Variants in CSMD1 observed in about 807,000 individuals in gnomAD.
The protein encoded by CSMD1 is CUB and sushi domain-containing protein 1.
A neutral mutation model predicts 417.5 loss-of-function variants in CSMD1; 213 were observed. The observed-to-expected ratio is 0.51, with a 90% CI of 0.46 to 0.57. The LOEUF is 0.57. Among genes scored for constraint, CSMD1 ranks in the 20% least tolerant of loss-of-function variants. CSMD1 has a pLI of 0.00. For missense variants in CSMD1, 6,923 were observed against 4,529.7 expected, an observed-to-expected ratio of 1.53 and a Z score of -15.17; for synonymous variants, 2,862 against 1,736.8, an observed-to-expected ratio of 1.65 and a Z score of -16.11.
At position 3,712,177 on chromosome 8, in the gene CSMD1, G is replaced by T. The variant is rs556820505; in HGVS notation, c.932-3686C>A. Among the ~76,000 whole-genome samples, 211 of 152,248 alleles carry T rather than the reference G, an allele frequency of 1.4e-3. 1 individual carries two copies. The highest frequency in any genetic ancestry group is 2.2e-3 in the Non-Finnish European group (153 of 68,024). On this transcript the variant is annotated intron_variant, in intron 6 of 69. Coordinates refer to ENST00000635120, the MANE Select transcript of CSMD1 (RefSeq NM_033225.6). The stretch of plus-strand genomic sequence containing the variant: ...TTCAAGTTACTACGTTCTCTTATTG[G>T]ACAGCTCTGCTAATCTTGGCAACGT...
intron 33 of CSMD1, among the ~76,000 whole-genome samples, chr8:3,196,898 C>G (rs1434739798): frequency 6.6e-6 from 1 of 152,174 alleles, no homozygotes; most frequent in African/African-American, 2.4e-5. Context: ...CAAGTGCTGG[C>G]TCACCATGGA....
intron 6 of CSMD1, among the ~76,000 whole-genome samples, chr8:3,738,245 G>C (rs780330848): frequency 2.6e-5 from 4 of 152,266 alleles, no homozygotes; most frequent in East Asian, 3.9e-4. Context: ...AAAAGCAAGA[G>C]AGCCCTAACA....
chr8:4,221,681 C>A (rs553709686), intron 3 of CSMD1, among the ~76,000 whole-genome samples: 2 of 152,164 alleles, frequency 1.3e-5, no homozygotes, highest in Admixed American at 1.3e-4. Flanking sequence ...CACTGCCATT[C>A]CCACATTCCA....
At chr8:3,715,046 T>C (rs945286740) in intron 6 of CSMD1, among the ~76,000 whole-genome samples, 3 of 152,184 alleles carry the variant, frequency 2.0e-5, no homozygotes, top group African/African-American at 7.2e-5. Flanking sequence ...ATAGACACAA[T>C]TACATAATCC....
chr8:4,912,531 G>A (rs1035515733), intron 1 of CSMD1, among the ~76,000 whole-genome samples: 5 of 152,206 alleles, frequency 3.3e-5, no homozygotes, highest in South Asian at 2.1e-4. Context: ...CCATAAGCTC[G>A]TCTCAATCCC....
At chr8:4,072,741 TG>T (rs1311478688) in intron 3 of CSMD1, among the ~76,000 whole-genome samples, 1 of 152,204 alleles carries the variant, frequency 6.6e-6, no homozygotes, top group African/African-American at 2.4e-5. Flanking sequence ...TTACAACTTT[TG>T]CCTTACTCTC....
chr8:3,958,484 G>C (rs146227516), intron 5 of CSMD1, among the ~76,000 whole-genome samples: 3 of 151,986 alleles, frequency 2.0e-5, no homozygotes, highest in African/African-American at 7.3e-5. Context: ...AATTGAAATT[G>C]TTCCTGCTTA....
At chr8:4,991,369 T>C (rs1811453894) in intron 1 of CSMD1, among the ~76,000 whole-genome samples, 1 of 152,208 alleles carries the variant, frequency 6.6e-6, no homozygotes, top group Non-Finnish European at 1.5e-5. Flanking sequence ...TCCCCAACGC[T>C]TTATTGAAGA....
chr8:4,083,640 G>A (rs1800262745), intron 3 of CSMD1, among the ~76,000 whole-genome samples: 1 of 152,150 alleles, frequency 6.6e-6, no homozygotes, highest in African/African-American at 2.4e-5. Flanking sequence ...CTAGCCATAT[G>A]TAGAAAGCTG....
intron 51 of CSMD1, among the ~76,000 whole-genome samples, chr8:3,029,116 T>C (rs998696516): frequency 1.5e-4 from 23 of 152,036 alleles, no homozygotes; most frequent in African/African-American, 5.3e-4. Context: ...CAACATCAAA[T>C]GCCTAATCGA....
chr8:3,284,083 A>T, intron 26 of CSMD1, 61 bp downstream of exon 26: 1 of 1,266,496 alleles, frequency 7.9e-7, no homozygotes. Flanking sequence ...ATGGAGGGAG[A>T]TCTGTGTTCA....
intron 2 of CSMD1, among the ~76,000 whole-genome samples, chr8:4,580,132 C>T (rs201739317): frequency 6.6e-6 from 1 of 152,210 alleles, no homozygotes; most frequent in East Asian, 1.9e-4. Context: ...TATTAAACAC[C>T]TATGTGGCCC....
At chr8:3,229,032 C>A (rs1156513695) in intron 27 of CSMD1, among the ~76,000 whole-genome samples, 1 of 152,080 alleles carries the variant, frequency 6.6e-6, no homozygotes, top group Non-Finnish European at 1.5e-5. Context: ...AGCTATCCAA[C>A]CTCATCTGTC....
intron 14 of CSMD1, 117 bp from the exon 15 acceptor site, chr8:3,406,338 A>G (rs975607556): frequency 1.3e-6 from 1 of 770,232 alleles, no homozygotes; most frequent in Non-Finnish European, 1.9e-6. Context: ...ATATAATTAT[A>G]TAAATTTCAG....
At chr8:3,062,700 G>C (rs1422129654) in intron 49 of CSMD1, among the ~76,000 whole-genome samples, 1 of 151,980 alleles carries the variant, frequency 6.6e-6, no homozygotes, top group East Asian at 1.9e-4. Flanking sequence ...TTATGAATTT[G>C]AAACAGACAA....
chr8:4,889,069 C>T (rs1053035022), intron 1 of CSMD1, among the ~76,000 whole-genome samples: 3 of 152,162 alleles, frequency 2.0e-5, no homozygotes, highest in East Asian at 3.9e-4. Context: ...ATGTGGTAAG[C>T]CCAGTGAATG....
chr8:2,946,385 T>C (rs1301278276), intron 68 of CSMD1, among the ~76,000 whole-genome samples: 1 of 152,196 alleles, frequency 6.6e-6, no homozygotes, highest in Non-Finnish European at 1.5e-5. Flanking sequence ...AGCTTTATTC[T>C]TCCTCTACCT....
chr8:4,835,265 A>C (rs1800409108), intron 1 of CSMD1, among the ~76,000 whole-genome samples: 1 of 152,092 alleles, frequency 6.6e-6, no homozygotes, highest in Admixed American at 6.5e-5. Flanking sequence ...GATACTAAGG[A>C]GAGGTTACAA....
intron 5 of CSMD1, among the ~76,000 whole-genome samples, chr8:3,822,342 A>G (rs1241256755): frequency 6.6e-6 from 1 of 152,196 alleles, no homozygotes; most frequent in African/African-American, 2.4e-5. Flanking sequence ...CTTGACATCA[A>G]GTACTTTAAA....
Sources: gnomAD v4.1 joint callset for allele counts (sites outside exome capture counted in the v4.1 genomes callset) on GRCh38, gnomAD v4.1.1 for gene constraint, MANE v1.5 for transcripts, NCBI Gene and HGNC (gene_info 2026-07-23, HGNC 2026-07-21) for gene names.